Variants in LRGUK observed in about 807,000 individuals in gnomAD.
LRGUK encodes the protein leucine rich repeats and guanylate kinase domain containing, also known as leucine-rich repeat and guanylate kinase domain-containing protein.
LRGUK carries 65 observed loss-of-function variants against 76.0 expected under a neutral mutation model. The ratio of observed to expected loss-of-function variants is 0.85; its 90% CI spans 0.70 to 1.05. LRGUK has a LOEUF of 1.05. Ranked by LOEUF, LRGUK falls within the 50% of genes least tolerant of loss-of-function variation. The probability of loss-of-function intolerance (pLI) is 0.00; values close to 1 mark genes in which losing one functional copy is unlikely to be tolerated. For missense variants in LRGUK, 758 were observed against 732.8 expected, an observed-to-expected ratio of 1.03 and a Z score of -0.40; for synonymous variants, 268 against 265.6, an observed-to-expected ratio of 1.01 and a Z score of -0.09.
intron 17 of LRGUK, among the ~76,000 whole-genome samples, chr7:134,248,270 G>A (rs1802359587): frequency 6.6e-6 from 1 of 152,156 alleles, no homozygotes; most frequent in South Asian, 2.1e-4. Context: ...CGAACACTCT[G>A]GACAGAGAAA....
intron 4 of LRGUK, among the ~76,000 whole-genome samples, chr7:134,147,708 C>T (rs1798034543): frequency 6.6e-6 from 1 of 152,060 alleles, no homozygotes; most frequent in Admixed American, 6.6e-5. Flanking sequence ...TTCCTGTGCA[C>T]CATGGGGAAG....
chr7:134,153,172 G>T (rs554185979), intron 5 of LRGUK, among the ~76,000 whole-genome samples: 1 of 151,944 alleles, frequency 6.6e-6, no homozygotes, highest in East Asian at 1.9e-4. Flanking sequence ...TTAAAAACCT[G>T]AAAATTATAA....
At chr7:134,147,061 T>C (rs1798002143) in intron 4 of LRGUK, among the ~76,000 whole-genome samples, 1 of 152,156 alleles carries the variant, frequency 6.6e-6, no homozygotes, top group Admixed American at 6.5e-5. Context: ...AAAGCTTTCC[T>C]ACAGTAGTCA....
intron 16 of LRGUK, among the ~76,000 whole-genome samples, chr7:134,245,033 C>G (rs1433095484): frequency 7.6e-6 from 1 of 131,804 alleles, no homozygotes; most frequent in Non-Finnish European, 1.6e-5. Flanking sequence ...TGGGGAACAT[C>G]ACAGGGGTGG....
At chr7:134,215,171 A>C (rs1801403796), downstream of LRGUK, among the ~76,000 whole-genome samples, 1 of 152,136 alleles carries the variant, frequency 6.6e-6, no homozygotes, top group African/African-American at 2.4e-5. Context: ...AATTAGAAGT[A>C]TACATGTTAC....
At chr7:134,139,294 G>C (rs1372751218) in intron 2 of LRGUK, 142 bp from the exon 3 acceptor site, 1 of 593,264 alleles carries the variant, frequency 1.7e-6, no homozygotes, top group Non-Finnish European at 3.0e-6. Context: ...CCTATTAGTA[G>C]CAGGCTTCAG....
chr7:134,170,684 C>G (rs1036659131), intron 7 of LRGUK, among the ~76,000 whole-genome samples: 1 of 151,998 alleles, frequency 6.6e-6, no homozygotes, highest in African/African-American at 2.4e-5. Flanking sequence ...TCCACAATAA[C>G]TAAAAATGTA....
chr7:134,219,692 C>CT (rs1801527778), intron 15 of LRGUK, among the ~76,000 whole-genome samples: 1 of 151,678 alleles, frequency 6.6e-6, no homozygotes, highest in Non-Finnish European at 1.5e-5. Context: ...CTCTCTCTCT[C>CT]TGTCTCTCTC....
intron 11 of LRGUK, among the ~76,000 whole-genome samples, chr7:134,184,239 A>G (rs768403227): frequency 3.3e-5 from 5 of 152,074 alleles, no homozygotes; most frequent in Non-Finnish European, 5.9e-5. Flanking sequence ...AACTTGCCAT[A>G]TAGCAGGAAG....
At chr7:134,138,633 C>G (rs1659247464) in intron 2 of LRGUK, among the ~76,000 whole-genome samples, 1 of 152,118 alleles carries the variant, frequency 6.6e-6, no homozygotes, top group African/African-American at 2.4e-5. Context: ...ATTAAACAAT[C>G]ACCATTATTC....
At chr7:134,163,595 A>G (rs938820824) in intron 7 of LRGUK, 55 bp downstream of exon 7, 15 of 1,514,872 alleles carry the variant, frequency 9.9e-6, no homozygotes, top group Non-Finnish European at 8.9e-6. Context: ...AGGACATATT[A>G]GAGACTTAGC....
chr7:134,190,943 C>T (rs1015481043), intron 11 of LRGUK, among the ~76,000 whole-genome samples: 7 of 151,942 alleles, frequency 4.6e-5, no homozygotes, highest in South Asian at 2.1e-4. Flanking sequence ...AGTAGTTGAG[C>T]GGTGTGGTGG....
chr7:134,256,295 TAA>T lies in LRGUK; in HGVS notation c.2199-1958_2199-1957del, dbSNP rs957850854. 4.6e-5 allele frequency among the ~76,000 whole-genome samples: 7 copies of T among 151,748 alleles called. No homozygotes were observed. In the East Asian group the frequency reaches 9.7e-4, roughly 21 times the overall value. ...CAACATGGAGAAACCCCGTCTCTAC[TAA>T]AAATACAAAAAATTAGCTGGGCATG... is the stretch of plus-strand genomic sequence containing the variant. On this transcript the variant is annotated intron_variant, in intron 18 of 19. Coordinates refer to the LRGUK transcript ENST00000285928.
At chr7:134,203,966 TACCCTACGTTACCC>T (rs945844605) in intron 15 of LRGUK, among the ~76,000 whole-genome samples, 10 of 152,206 alleles carry the variant, frequency 6.6e-5, no homozygotes, top group African/African-American at 2.2e-4. Flanking sequence ...GTCGGGGCTG[TACCCTACGTTACCC>T]ACCCTGCCCT....
chr7:134,163,004 G>A (rs1180556625), intron 6 of LRGUK, among the ~76,000 whole-genome samples: 1 of 152,118 alleles, frequency 6.6e-6, no homozygotes, highest in East Asian at 1.9e-4. Context: ...TAATAGTCAA[G>A]TGGCTTCTTG....
At chr7:134,169,032 G>T (rs1050995461) in intron 7 of LRGUK, among the ~76,000 whole-genome samples, 2 of 152,034 alleles carry the variant, frequency 1.3e-5, no homozygotes, top group African/African-American at 4.8e-5. Context: ...GTGGAAAGGG[G>T]TGTTTGCAGA....
chr7:134,133,772 G>C (rs530102606), intron 1 of LRGUK, among the ~76,000 whole-genome samples: 1 of 152,108 alleles, frequency 6.6e-6, no homozygotes. Flanking sequence ...TTGAAATTGC[G>C]TATGGGTCCA....
At chr7:134,252,126 C>T (rs915703670) in intron 18 of LRGUK, among the ~76,000 whole-genome samples, 1 of 151,710 alleles carries the variant, frequency 6.6e-6, no homozygotes, top group African/African-American at 2.4e-5. Flanking sequence ...ATCATTTGAG[C>T]CCAGGAGTTC....
Position 134,191,765 on chromosome 7 carries a change from C to G in LRGUK, c.1431+14C>G. ...ATGGTGAACATGGTAAGAATGTTTG[C>G]CTTTGTTTTTATTGCACAAGAAATA... On this transcript the variant is annotated intron_variant, in intron 12 of 15. Transcript: ENST00000645682. The G allele has an allele frequency of 6.5e-7, 1 of 1,550,366 alleles. No individual in the cohort carries two copies. Among genetic ancestry groups the G allele is most frequent in the Non-Finnish European group, 8.9e-7 (1 of 1,128,396 alleles).
Sources: gnomAD v4.1 joint callset for allele counts (sites outside exome capture counted in the v4.1 genomes callset) on GRCh38, gnomAD v4.1.1 for gene constraint, MANE v1.5 for transcripts, NCBI Gene and HGNC (gene_info 2026-07-23, HGNC 2026-07-21) for gene names.